Variants in AFF2 observed in about 807,000 individuals in gnomAD.
AFF2 encodes ALF transcription elongation factor 2.
Under a neutral mutation model 76.9 loss-of-function variants are expected in AFF2, and 14 were observed. That is an observed-to-expected ratio of 0.18 (90% CI 0.12 to 0.28). AFF2 has a LOEUF of 0.28. AFF2 is among the 10% of genes least tolerant of loss of function. The pLI is 1.00. For missense variants in AFF2, 868 were observed against 1,001.1 expected (o/e 0.87, Z 1.79); for synonymous variants, 398 against 366.7 (o/e 1.09, Z -0.98).
intron 19 of AFF2, among the ~76,000 whole-genome samples, chrX:148,985,015 G>T (rs782441065): frequency 9.1e-6 from 1 of 110,069 alleles, no homozygotes; most frequent in African/African-American, 3.3e-5. Context: ...TTGGGAGATG[G>T]AGTCTCACTC....
At chrX:148,927,839 A>G (rs2071670275) in intron 9 of AFF2, among the ~76,000 whole-genome samples, 1 of 112,031 alleles carries the variant, frequency 8.9e-6, no homozygotes, top group Non-Finnish European at 1.9e-5. Context: ...TTATTTAAAT[A>G]AAACAACATT....
chrX:148,643,973 C>T (rs1557255063), intron 1 of AFF2, among the ~76,000 whole-genome samples: 3 of 111,615 alleles, frequency 2.7e-5, no homozygotes, highest in Non-Finnish European at 5.7e-5. Context: ...AGATGGGAAA[C>T]TTTGGCTTGC....
intron 2 of AFF2, 99 bp from the exon 3 acceptor site, chrX:148,661,809 A>G (rs2054307976): frequency 2.3e-6 from 2 of 864,824 alleles, no homozygotes; most frequent in East Asian, 3.1e-5. Flanking sequence ...AGAATCCCGT[A>G]TGATAGTCTA....
chrX:148,751,424 G>A (rs2055497863), intron 3 of AFF2, among the ~76,000 whole-genome samples: 1 of 112,151 alleles, frequency 8.9e-6, no homozygotes, highest in African/African-American at 3.2e-5. Flanking sequence ...TGGGAATGAG[G>A]GGCCTGTGGT....
At chrX:148,873,846 A>T (rs2071006007) in intron 7 of AFF2, among the ~76,000 whole-genome samples, 1 of 111,798 alleles carries the variant, frequency 8.9e-6, no homozygotes, top group Admixed American at 9.6e-5. Context: ...CTTTGATTGA[A>T]CTAACATGTT....
intron 7 of AFF2, among the ~76,000 whole-genome samples, chrX:148,879,751 T>C (rs782556742): frequency 1.1e-5 from 1 of 91,084 alleles, no homozygotes; most frequent in Non-Finnish European, 2.2e-5. Flanking sequence ...TTATTCTTCT[T>C]TTGATTTTTT....
chrX:148,707,199 C>T (rs1260550497), intron 3 of AFF2, among the ~76,000 whole-genome samples: 2 of 111,876 alleles, frequency 1.8e-5, no homozygotes, highest in African/African-American at 6.5e-5. Flanking sequence ...ATCTAATTCT[C>T]ATTTCTAGGG....
chrX:148,610,115 C>T (rs1557249290), intron 1 of AFF2, among the ~76,000 whole-genome samples: 1 of 111,495 alleles, frequency 9.0e-6, no homozygotes, highest in African/African-American at 3.3e-5. Context: ...AGGAATTGCC[C>T]ATGTGAAGAG....
chrX:148,681,605 GGAAA>G (rs2054549378), intron 3 of AFF2, among the ~76,000 whole-genome samples: 1 of 89,511 alleles, frequency 1.1e-5, no homozygotes, highest in Non-Finnish European at 2.2e-5. Context: ...AATGAAGAAA[GGAAA>G]GAAGAAAGAA....
chrX:148,806,980 G>A (rs1367713195), intron 3 of AFF2, among the ~76,000 whole-genome samples: 1 of 112,218 alleles, frequency 8.9e-6, no homozygotes, highest in Non-Finnish European at 1.9e-5. Context: ...TGAATTTGCG[G>A]AACTAGTAAC....
At chrX:148,768,407 T>G (rs1439779079) in intron 3 of AFF2, among the ~76,000 whole-genome samples, 1 of 110,985 alleles carries the variant, frequency 9.0e-6, no homozygotes, top group African/African-American at 3.3e-5. Flanking sequence ...CTTAATTAAA[T>G]GCAGTTCACA....
At chrX:148,803,329 A>G (rs1603303673) in intron 3 of AFF2, among the ~76,000 whole-genome samples, 1 of 111,292 alleles carries the variant, frequency 9.0e-6, no homozygotes, top group East Asian at 2.9e-4. Flanking sequence ...CATAGCAAGA[A>G]GCCTAGAGAC....
intron 9 of AFF2, among the ~76,000 whole-genome samples, chrX:148,910,547 T>C (rs1408930157): frequency 8.9e-6 from 1 of 112,237 alleles, no homozygotes; most frequent in African/African-American, 3.2e-5. Flanking sequence ...ATGCTTCTAG[T>C]TAACACTGTC....
At chrX:148,730,814 A>G (rs1236029694) in intron 3 of AFF2, among the ~76,000 whole-genome samples, 1 of 112,200 alleles carries the variant, frequency 8.9e-6, no homozygotes, top group African/African-American at 3.2e-5. Context: ...TGAGCTCCCC[A>G]TTGCCAGTGC....
chrX:148,591,249 T>G (rs1393661759), intron 1 of AFF2, among the ~76,000 whole-genome samples: 1 of 111,956 alleles, frequency 8.9e-6, no homozygotes, highest in African/African-American at 3.3e-5. Context: ...CATGTGAAAT[T>G]TCTTGGGCAC....
chrX:148,719,099 T>A (rs1246493119), intron 3 of AFF2: 2 of 1,108,910 alleles, frequency 1.8e-6, no homozygotes, highest in Admixed American at 5.3e-5. Flanking sequence ...TGAGTTTTGG[T>A]TGTGGCAACC....
intron 3 of AFF2, among the ~76,000 whole-genome samples, chrX:148,801,618 G>T (rs781984767): frequency 8.9e-6 from 1 of 111,787 alleles, no homozygotes; most frequent in East Asian, 2.8e-4. Context: ...CTTCAGTTGT[G>T]TCTTGATCGA....
chrX:148,839,181 CT>C (rs1315814692), intron 5 of AFF2, among the ~76,000 whole-genome samples: 1 of 112,247 alleles, frequency 8.9e-6, no homozygotes, highest in Non-Finnish European at 1.9e-5. Context: ...TAAGTGCACA[CT>C]TTGAAATCAG....
chrX:148,616,258 G>A (rs1180439785), intron 1 of AFF2, among the ~76,000 whole-genome samples: 3 of 111,694 alleles, frequency 2.7e-5, no homozygotes, highest in Non-Finnish European at 5.7e-5. Flanking sequence ...TTTACTAGCC[G>A]TATGATCTTG....
Sources: gnomAD v4.1 joint callset for allele counts (sites outside exome capture counted in the v4.1 genomes callset) on GRCh38, gnomAD v4.1.1 for gene constraint, MANE v1.5 for transcripts, NCBI Gene and HGNC (gene_info 2026-07-23, HGNC 2026-07-21) for gene names.